Variants in KIAA0825 observed in about 807,000 individuals in gnomAD.
The protein encoded by KIAA0825 is uncharacterized protein KIAA0825.
Under a neutral mutation model 147.6 loss-of-function variants are expected in KIAA0825, and 119 were observed. That is an observed-to-expected ratio of 0.81 (90% CI 0.69 to 0.94). The LOEUF (loss-of-function observed/expected upper bound fraction) is 0.94, where lower values mean the gene tolerates loss of function less well. KIAA0825 is among the 40% of genes least tolerant of loss of function. The probability of loss-of-function intolerance (pLI) is 0.00; values close to 1 mark genes in which losing one functional copy is unlikely to be tolerated. For missense variants in KIAA0825, 1,381 were observed against 1,472.7 expected (o/e 0.94, Z 1.02); for synonymous variants, 470 against 518.1 (o/e 0.91, Z 1.26).
chr5:94,168,009 C>T (rs1768216005), intron 20 of KIAA0825, among the ~76,000 whole-genome samples: 2 of 148,810 alleles, frequency 1.3e-5, no homozygotes, highest in East Asian at 2.0e-4. Flanking sequence ...TTAGAACCCC[C>T]GAAACCCAAT....
intron 20 of KIAA0825, among the ~76,000 whole-genome samples, chr5:94,247,116 G>A (rs1775669025): frequency 6.6e-6 from 1 of 152,116 alleles, no homozygotes; most frequent in Non-Finnish European, 1.5e-5. Flanking sequence ...TATGGGGGAA[G>A]CTCCTTGCCA....
chr5:94,567,062 A>G (rs946605073), intron 2 of KIAA0825, among the ~76,000 whole-genome samples: 2 of 152,230 alleles, frequency 1.3e-5, no homozygotes, highest in African/African-American at 4.8e-5. Flanking sequence ...TGTATCCAAT[A>G]GAAAACTTCA....
At chr5:94,548,085 T>C (rs1007447674) in intron 2 of KIAA0825, among the ~76,000 whole-genome samples, 5 of 152,078 alleles carry the variant, frequency 3.3e-5, no homozygotes, top group African/African-American at 1.2e-4. Context: ...GACACAAAAC[T>C]CACTGGTAAT....
intron 2 of KIAA0825, among the ~76,000 whole-genome samples, chr5:94,579,999 C>A (rs1038820537): frequency 2.6e-5 from 4 of 152,038 alleles, no homozygotes; most frequent in African/African-American, 7.2e-5. Flanking sequence ...TATTATTTAT[C>A]AAAAATGTGG....
intron 18 of KIAA0825, among the ~76,000 whole-genome samples, chr5:94,389,518 C>T (rs1168129400): frequency 6.6e-6 from 1 of 152,176 alleles, no homozygotes; most frequent in Non-Finnish European, 1.5e-5. Flanking sequence ...GACAAAGCAT[C>T]TTTAACCTCA....
At chr5:94,213,821 T>A (rs1013832775) in intron 20 of KIAA0825, among the ~76,000 whole-genome samples, 17 of 152,314 alleles carry the variant, frequency 1.1e-4, no homozygotes, top group Non-Finnish European at 1.5e-4. Context: ...TTGCTCCTAA[T>A]CTGCATGGAG....
chr5:94,527,173 T>G (rs766354469), intron 3 of KIAA0825, among the ~76,000 whole-genome samples: 1 of 152,076 alleles, frequency 6.6e-6, no homozygotes, highest in Admixed American at 6.6e-5. Flanking sequence ...GATGTATGTG[T>G]GTATGTATAT....
chr5:94,554,983 C>T (rs1428901679), intron 2 of KIAA0825, among the ~76,000 whole-genome samples: 1 of 151,558 alleles, frequency 6.6e-6, no homozygotes, highest in Non-Finnish European at 1.5e-5. Flanking sequence ...TATTTTACCT[C>T]TTATATATGT....
chr5:94,404,117 T>C (rs1751738552), intron 15 of KIAA0825, among the ~76,000 whole-genome samples: 1 of 152,136 alleles, frequency 6.6e-6, no homozygotes, highest in South Asian at 2.1e-4. Context: ...ACATTTTACT[T>C]ATCAGTTGAC....
At chr5:94,336,415 C>T (rs1781799203) in intron 20 of KIAA0825, among the ~76,000 whole-genome samples, 1 of 151,290 alleles carries the variant, frequency 6.6e-6, no homozygotes, top group African/African-American at 2.4e-5. Context: ...CCCCTAGCCC[C>T]CCACCCCCCA....
At chr5:94,467,059 C>CATTT (rs1760636466) in intron 10 of KIAA0825, among the ~76,000 whole-genome samples, 1 of 152,164 alleles carries the variant, frequency 6.6e-6, no homozygotes, top group Admixed American at 6.5e-5. Flanking sequence ...TAACAGCTAC[C>CATTT]ATTTAGTGAT....
intron 1 of KIAA0825, among the ~76,000 whole-genome samples, chr5:94,611,585 G>T (rs1205974880): frequency 6.6e-6 from 1 of 151,236 alleles, no homozygotes; most frequent in Non-Finnish European, 1.5e-5. Flanking sequence ...GGTATCTTTG[G>T]TAAAGATGCA....
intron 14 of KIAA0825, among the ~76,000 whole-genome samples, chr5:94,422,242 C>T (rs968962754): frequency 1.3e-5 from 2 of 152,178 alleles, no homozygotes; most frequent in African/African-American, 2.4e-5. Flanking sequence ...ATAAGACCCT[C>T]ATTCCAGAGG....
intron 3 of KIAA0825, among the ~76,000 whole-genome samples, chr5:94,534,304 T>C (rs1771534122): frequency 6.6e-6 from 1 of 152,204 alleles, no homozygotes; most frequent in South Asian, 2.1e-4. Context: ...AATGAGTGCA[T>C]AAATGATTTA....
At chr5:94,237,580 G>T (rs1016810272) in intron 20 of KIAA0825, among the ~76,000 whole-genome samples, 28 of 152,064 alleles carry the variant, frequency 1.8e-4, no homozygotes. Flanking sequence ...TACTCGCTTG[G>T]TTTCTAAGTA....
intron 20 of KIAA0825, among the ~76,000 whole-genome samples, chr5:94,303,886 G>C (rs971380560): frequency 1.3e-5 from 2 of 152,032 alleles, no homozygotes; most frequent in Non-Finnish European, 2.9e-5. Flanking sequence ...CCTGGCCACA[G>C]AGAGATTCAT....
Position 94,180,478 on chromosome 5 carries a change from T to G in KIAA0825, c.3711-26354A>C, listed in dbSNP as rs144965893. 5.8e-3 allele frequency among the ~76,000 whole-genome samples: 878 copies of G among 152,256 alleles called. 4 individuals carry two copies. Among genetic ancestry groups the G allele is most frequent in the Non-Finnish European group, 9.7e-3 (661 of 67,974 alleles). On this transcript the variant is annotated intron_variant, in intron 20 of 20. Transcript: ENST00000682413. ...GTGATATCTGAAAAAGTTCTGTACTTTAGTTAACAGAATTACCTACAACCA... is the reference window on the plus strand; with the variant it reads ...GTGATATCTGAAAAAGTTCTGTACTGTAGTTAACAGAATTACCTACAACCA...
chr5:94,485,968 C>T (rs775840510), intron 5 of KIAA0825, among the ~76,000 whole-genome samples: 6 of 151,810 alleles, frequency 4.0e-5, no homozygotes, highest in East Asian at 3.9e-4. Context: ...CTTATGATTA[C>T]GCTACTAGTA....
At chr5:94,211,258 C>T (rs797009420) in intron 20 of KIAA0825, among the ~76,000 whole-genome samples, 15 of 152,240 alleles carry the variant, frequency 9.9e-5, no homozygotes, top group African/African-American at 3.6e-4. Context: ...AGAATGACAC[C>T]TTTAGTTTAA....
Sources: allele counts gnomAD v4.1 joint callset (sites outside exome capture counted in the v4.1 genomes callset), GRCh38; gene constraint gnomAD v4.1.1; transcripts MANE v1.5; gene names NCBI Gene and HGNC (gene_info 2026-07-23, HGNC 2026-07-21).